The following DYM variants were observed in gnomAD, a reference collection of about 807,000 sequenced individuals.
The protein encoded by DYM is dyggve-Melchior-Clausen syndrome protein.
DYM carries 78 observed loss-of-function variants against 93.1 expected under a neutral mutation model. The observed-to-expected ratio is 0.84, with a 90% CI of 0.70 to 1.01. The LOEUF is 1.01. DYM is among the 50% of genes least tolerant of loss of function. The probability of loss-of-function intolerance (pLI) is 0.00; values close to 1 mark genes in which losing one functional copy is unlikely to be tolerated. For synonymous variants in DYM, 321 were observed against 319.7 expected, an observed-to-expected ratio of 1.00 and a Z score of -0.04; for missense variants, 789 against 845.0, an observed-to-expected ratio of 0.93 and a Z score of 0.82.
At chr18:49,258,827 C>G (rs113095117) in intron 11 of DYM, among the ~76,000 whole-genome samples, 1,028 of 71,934 alleles carry the variant, frequency 0.014, 27 homozygotes, top group East Asian at 0.063. Context: ...CACACAGAGA[C>G]ACACACACAC....
At chr18:49,349,199 C>T (rs540924587) in intron 6 of DYM, among the ~76,000 whole-genome samples, 8 of 151,846 alleles carry the variant, frequency 5.3e-5, no homozygotes, top group Middle Eastern at 3.2e-3. Flanking sequence ...CAGAGTGAGA[C>T]TGTCTCAAAA....
chr18:49,457,240 A>G lies in DYM; in HGVS notation c.-54+3158T>C, dbSNP rs754875579. Among the ~76,000 whole-genome samples, 10 of 152,224 alleles carry G rather than the reference A, an allele frequency of 6.6e-5. No individual in the cohort carries two copies. The East Asian group carries it at 1.9e-3, about 29-fold the overall frequency. ...TTGCTGCTGAAATGGGGGTGCCTTTATCTCCCACTTGGACAGAGAGTCCCT... is the reference window on the plus strand; with the variant it reads ...TTGCTGCTGAAATGGGGGTGCCTTTGTCTCCCACTTGGACAGAGAGTCCCT... On this transcript the variant is annotated intron_variant, in intron 1 of 17. Transcript: ENST00000675505.
chr18:49,118,559 T>C (rs1049870777), intron 16 of DYM, 185 bp downstream of exon 16: 1 of 602,770 alleles, frequency 1.7e-6, no homozygotes, highest in East Asian at 2.9e-5. Context: ...GTATTAAATA[T>C]GTATGTGTGT....
At chr18:49,292,391 C>G in intron 8 of DYM, among the ~76,000 whole-genome samples, 1 of 149,972 alleles carries the variant, frequency 6.7e-6, no homozygotes. Context: ...CACACACACA[C>G]ACACACACAC....
chr18:49,164,318 T>C (rs2087589132), intron 14 of DYM, among the ~76,000 whole-genome samples: 1 of 152,228 alleles, frequency 6.6e-6, no homozygotes, highest in Non-Finnish European at 1.5e-5. Flanking sequence ...CTAACTCTCC[T>C]GCTATCACTA....
chr18:49,211,298 T>C (rs1219903662), intron 13 of DYM, among the ~76,000 whole-genome samples: 1 of 152,304 alleles, frequency 6.6e-6, no homozygotes, highest in South Asian at 2.1e-4. Flanking sequence ...ATAAGAATTA[T>C]TACTATTATT....
intron 6 of DYM, among the ~76,000 whole-genome samples, chr18:49,339,300 TAGG>T (rs894359995): frequency 3.9e-5 from 6 of 152,226 alleles, no homozygotes; most frequent in Non-Finnish European, 8.8e-5. Context: ...AGAAATATAG[TAGG>T]CATCCTCTAA....
At chr18:49,254,034 C>G (rs1015400296) in intron 13 of DYM, among the ~76,000 whole-genome samples, 3 of 151,974 alleles carry the variant, frequency 2.0e-5, no homozygotes, top group Non-Finnish European at 4.4e-5. Flanking sequence ...CATGCTCTCT[C>G]ACCATAGTCC....
At chr18:49,366,222 C>T (rs993060400) in intron 5 of DYM, among the ~76,000 whole-genome samples, 1 of 152,192 alleles carries the variant, frequency 6.6e-6, no homozygotes, top group Non-Finnish European at 1.5e-5. Context: ...TGCATTATTT[C>T]CCAACTAGCA....
At chr18:49,115,868 G>C (rs1012197161) in intron 16 of DYM, among the ~76,000 whole-genome samples, 9 of 152,178 alleles carry the variant, frequency 5.9e-5, no homozygotes, top group Non-Finnish European at 1.2e-4. Flanking sequence ...AAAGATAGAA[G>C]GATAGGAAAA....
rs118107865 is a variant in DYM, at chr18:49,424,623, T to C, written c.140+5632A>G. ...AGTCAAATTATCTCTGCAGATGATG[T>C]GATTGTATATTTAGAAAACTCCATC... On this transcript the variant is annotated intron_variant, in intron 2 of 17. Coordinates refer to ENST00000675505, the MANE Select transcript of DYM (RefSeq NM_001353214.3). Among the ~76,000 whole-genome samples, 738 of 152,262 alleles carry C rather than the reference T, an allele frequency of 4.8e-3. 38 individuals are homozygous for C. In the East Asian group the frequency reaches 0.1, roughly 21 times the overall value.
chr18:49,246,407 T>C (rs1395925250), intron 13 of DYM, among the ~76,000 whole-genome samples: 1 of 152,208 alleles, frequency 6.6e-6, no homozygotes, highest in African/African-American at 2.4e-5. Context: ...AGAAGGAAAA[T>C]GCTTTATTAA....
chr18:49,244,610 T>C (rs2094122113), intron 13 of DYM, among the ~76,000 whole-genome samples: 1 of 151,304 alleles, frequency 6.6e-6, no homozygotes, highest in Non-Finnish European at 1.5e-5. Context: ...GTTTCTTCAT[T>C]ATAAAATATA....
chr18:49,294,061 A>G (rs1327213317), intron 8 of DYM, among the ~76,000 whole-genome samples: 3 of 152,274 alleles, frequency 2.0e-5, no homozygotes, highest in South Asian at 4.2e-4. Flanking sequence ...AACACCACTG[A>G]TTAAATAGGG....
chr18:49,293,161 T>A (rs547459319), intron 8 of DYM, among the ~76,000 whole-genome samples: 7 of 152,152 alleles, frequency 4.6e-5, no homozygotes, highest in Admixed American at 4.6e-4. Flanking sequence ...TGAATTCATC[T>A]TTTTTATGGC....
intron 15 of DYM, among the ~76,000 whole-genome samples, chr18:49,156,755 A>T (rs1757082572): frequency 6.8e-6 from 1 of 147,460 alleles, no homozygotes; most frequent in South Asian, 2.1e-4. Context: ...AAAAAAAAAA[A>T]GTGTGGAAGA....
At chr18:49,085,141 C>T (rs1298280780) in intron 17 of DYM, among the ~76,000 whole-genome samples, 5 of 152,060 alleles carry the variant, frequency 3.3e-5, no homozygotes, top group African/African-American at 1.2e-4. Context: ...CAATGTATGA[C>T]CAAAAACAGG....
At chr18:49,111,185 ATTC>A (rs1221099529) in intron 16 of DYM, among the ~76,000 whole-genome samples, 2 of 152,000 alleles carry the variant, frequency 1.3e-5, no homozygotes, top group Admixed American at 6.5e-5. Flanking sequence ...TCTGTAACAT[ATTC>A]TTCTTTTTTT....
At chr18:49,098,901 G>A (rs1406045719) in intron 16 of DYM, among the ~76,000 whole-genome samples, 1 of 152,096 alleles carries the variant, frequency 6.6e-6, no homozygotes, top group Non-Finnish European at 1.5e-5. Context: ...TTTAAAATAT[G>A]CAACAATGAA....
Sources: allele counts gnomAD v4.1 joint callset (sites outside exome capture counted in the v4.1 genomes callset), GRCh38; gene constraint gnomAD v4.1.1; transcripts MANE v1.5; gene names NCBI Gene and HGNC (gene_info 2026-07-23, HGNC 2026-07-21).